PDE4DIP: variants seen among roughly 807,000 people sequenced by gnomAD.
PDE4DIP encodes phosphodiesterase 4D interacting protein.
PDE4DIP carries 59 observed loss-of-function variants against 221.4 expected under a neutral mutation model. The ratio of observed to expected loss-of-function variants is 0.27; its 90% CI spans 0.22 to 0.33. PDE4DIP has a LOEUF of 0.33. Ranked by LOEUF, PDE4DIP falls within the 10% of genes least tolerant of loss-of-function variation. PDE4DIP has a pLI of 1.00. For synonymous variants in PDE4DIP, 404 were observed against 815.9 expected (o/e 0.50, Z 8.60); for missense variants, 1,036 against 2,154.2 (o/e 0.48, Z 10.28).
chr1:148,966,844 T>C (rs1553519125), exon 12 of PDE4DIP: 1 of 967,960 alleles, frequency 1.0e-6, no homozygotes, highest in Admixed American at 1.7e-5. Flanking sequence ...TGCAGCGGGC[T>C]ATAGATGAAA....
chr1:149,014,786 T>C (rs1553609081), intron 32 of PDE4DIP, among the ~76,000 whole-genome samples: 2 of 150,184 alleles, frequency 1.3e-5, no homozygotes, highest in Non-Finnish European at 3.0e-5. Context: ...GCCTCTCAGG[T>C]CCCTGGGTTA....
chr1:148,944,861 T>C (rs1414608599), intron 5 of PDE4DIP, among the ~76,000 whole-genome samples: 18 of 151,970 alleles, frequency 1.2e-4, no homozygotes, highest in Non-Finnish European at 2.5e-4. Flanking sequence ...ACACAGCAAG[T>C]CTCCGTCTCG....
intron 4 of PDE4DIP, among the ~76,000 whole-genome samples, chr1:148,933,774 T>C (rs1175226093): frequency 2.0e-5 from 3 of 152,156 alleles, no homozygotes; most frequent in African/African-American, 7.2e-5. Context: ...ATACTCCTAA[T>C]GTGACCATCA....
rs10752806 is a variant in PDE4DIP at position 148,821,874 on chromosome 1, T to G, written c.233+13137T>G. Among the ~76,000 whole-genome samples the G allele has an allele frequency of 2.7e-5, 4 of 149,930 alleles. No homozygotes were observed. The East Asian group carries it at 7.8e-4, about 29-fold the overall frequency. ...TGCAGTAAGTAACACCAATGTGAGA[T>G]CATAGCGATTTACATCATGGCGGTA... On this transcript the variant is annotated intron_variant, in intron 1 of 45. Coordinates refer to the PDE4DIP transcript ENST00000524974.
At chr1:149,029,649 C>T (rs1448185210) in intron 41 of PDE4DIP, 138 bp from the exon 45 acceptor site, 99 of 721,962 alleles carry the variant, frequency 1.4e-4, no homozygotes, top group Non-Finnish European at 1.8e-4. Flanking sequence ...TGGAGGTATC[C>T]GAGGCTGTGA....
intron 1 of PDE4DIP, among the ~76,000 whole-genome samples, chr1:148,830,576 G>GC (rs1288292426): frequency 8.9e-5 from 1 of 11,254 alleles, no homozygotes; most frequent in African/African-American, 2.9e-4. Flanking sequence ...TCCCTCCCCC[G>GC]CCCCCCCACC....
intron 1 of PDE4DIP, among the ~76,000 whole-genome samples, chr1:148,828,843 T>C (rs1357903470): frequency 6.6e-6 from 1 of 151,290 alleles, no homozygotes; most frequent in African/African-American, 2.4e-5. Flanking sequence ...AGGTTTTTGT[T>C]ATGGCTGACA....
At chr1:149,022,006 G>A (rs1288259296) in intron 37 of PDE4DIP, among the ~76,000 whole-genome samples, 1 of 148,924 alleles carries the variant, frequency 6.7e-6, no homozygotes, top group Non-Finnish European at 1.5e-5. Context: ...AAGATAAAAA[G>A]CAAAATCCTG....
At chr1:149,014,452 T>C (rs587711714) in intron 32 of PDE4DIP, among the ~76,000 whole-genome samples, 2 of 17,760 alleles carry the variant, frequency 1.1e-4, no homozygotes, top group East Asian at 1.5e-3. Flanking sequence ...CCATGACAAA[T>C]GGCAAGAGTA....
intron 2 of PDE4DIP, chr1:148,930,817 C>T (rs2047830187): frequency 7.9e-6 from 1 of 126,444 alleles, no homozygotes; most frequent in South Asian, 2.9e-4. Context: ...TATCAAACTA[C>T]CAATGTCATT....
intron 1 of PDE4DIP, among the ~76,000 whole-genome samples, chr1:148,922,700 G>A (rs1375280321): frequency 1.3e-5 from 2 of 149,346 alleles, no homozygotes; most frequent in Admixed American, 1.3e-4. Flanking sequence ...CCGTTCTCCT[G>A]CCTCAGCCTC....
At chr1:149,024,262 A>T (rs1575585194) in intron 37 of PDE4DIP, 183 bp from the exon 41 acceptor site, 1 of 572,608 alleles carries the variant, frequency 1.7e-6, no homozygotes, top group Non-Finnish European at 3.1e-6. Flanking sequence ...TTCAGACTGG[A>T]TGTGTGCCAG....
intron 21 of PDE4DIP, chr1:148,983,349 A>G (rs2061415389): frequency 6.6e-6 from 1 of 152,166 alleles, no homozygotes; most frequent in Non-Finnish European, 1.5e-5. Flanking sequence ...CTAATGGCTC[A>G]TAGTGATTAC....
At position 148,922,789 on chromosome 1, in the gene PDE4DIP, G is replaced by A. The variant is rs1195117312; in HGVS notation, c.142-6408G>A. On this transcript the variant is annotated intron_variant, in intron 1 of 43. Coordinates refer to ENST00000369354, the Ensembl canonical transcript of PDE4DIP. ...TTTTTAGTAGAGACGGGGTTTCACC[G>A]TGTTAGCCAGGATGGTCTCATTTCC... Among the ~76,000 whole-genome samples the A allele has an allele frequency of 8.2e-4, 124 of 150,632 alleles. 1 individual carries two copies. Among genetic ancestry groups the A allele is most frequent in the Non-Finnish European group, 3.1e-4 (21 of 67,738 alleles).
At chr1:149,012,741 A>C in exon 32 of PDE4DIP, 2 of 1,611,836 alleles carry the variant, frequency 1.2e-6, no homozygotes. Context: ...GAGGCTCAGC[A>C]GGAGCTACAG....
intron 21 of PDE4DIP, chr1:148,984,283 T>C (rs2061549459): frequency 2.6e-5 from 4 of 152,090 alleles, no homozygotes; most frequent in African/African-American, 4.8e-5. Context: ...CTTCATTCAG[T>C]TGTGGACAGC....
chr1:149,022,544 T>C (rs1396327954), intron 37 of PDE4DIP, among the ~76,000 whole-genome samples: 2 of 152,274 alleles, frequency 1.3e-5, no homozygotes, highest in African/African-American at 2.4e-5. Flanking sequence ...AACTGGAACC[T>C]GAAGAAATAG....
chr1:148,929,417 A>G, intron 2 of PDE4DIP, 144 bp downstream of exon 5: 3 of 1,224,396 alleles, frequency 2.5e-6, no homozygotes, highest in Admixed American at 2.5e-5. Flanking sequence ...AGATTTTCAT[A>G]TGCTGTGTTT....
chr1:149,005,168 C>T, exon 27 of PDE4DIP: 1 of 1,614,006 alleles, frequency 6.2e-7, no homozygotes, highest in Non-Finnish European at 8.5e-7. Context: ...TCCGGTCCCT[C>T]TCAGTTACAA....
Sources: gnomAD v4.1 joint callset for allele counts (sites outside exome capture counted in the v4.1 genomes callset) on GRCh38, gnomAD v4.1.1 for gene constraint, MANE v1.5 for transcripts, NCBI Gene and HGNC (gene_info 2026-07-23, HGNC 2026-07-21) for gene names.